WT1: variants seen among roughly 807,000 people sequenced by gnomAD.
WT1 encodes the protein Wilms tumor protein.
In WT1, 8 loss-of-function variants were observed where a neutral mutation model predicts 60.8. The observed-to-expected ratio is 0.13, with a 90% confidence interval of 0.08 to 0.24. The LOEUF is 0.24. Among genes scored for constraint, WT1 ranks in the 10% least tolerant of loss-of-function variants. The pLI is 1.00. For synonymous variants in WT1, 312 were observed against 297.1 expected (o/e 1.05, Z -0.52); for missense variants, 568 against 711.8 (o/e 0.80, Z 2.30).
chr11:32,426,109 A>T (rs1162896971), intron 3 of WT1, among the ~76,000 whole-genome samples: 1 of 152,078 alleles, frequency 6.6e-6, no homozygotes, highest in Non-Finnish European at 1.5e-5. Flanking sequence ...GAGGGAAGTA[A>T]CGGATGTGTG....
chr11:32,430,689 A>G (rs1029869635), intron 1 of WT1: 2 of 1,424,582 alleles, frequency 1.4e-6, no homozygotes, highest in African/African-American at 1.4e-5. Context: ...CTCGGGCCCA[A>G]GGATGCCCGT....
intron 3 of WT1, among the ~76,000 whole-genome samples, chr11:32,421,476 T>C (rs1184938888): frequency 6.6e-6 from 1 of 152,258 alleles, no homozygotes; most frequent in African/African-American, 2.4e-5. Context: ...GTGTCCTTTA[T>C]ATTTTTTAAG....
At chr11:32,424,361 C>G (rs1238733092) in intron 3 of WT1, among the ~76,000 whole-genome samples, 2 of 152,096 alleles carry the variant, frequency 1.3e-5, no homozygotes, top group African/African-American at 2.4e-5. Flanking sequence ...TGAACTTAAA[C>G]TAGAAATTAT....
At chr11:32,391,895 A>G in intron 9 of WT1, 77 bp downstream of exon 9, 3 of 1,465,916 alleles carry the variant, frequency 2.0e-6, no homozygotes, top group East Asian at 2.3e-5. Flanking sequence ...GTCTTTTCCA[A>G]TCCCTCTCAT....
rs1019789044 is a variant in WT1 at position 32,406,466 on chromosome 11, G to A, written c.1017-6422C>T. Among the ~76,000 whole-genome samples, 17 of 152,122 alleles carry A rather than the reference G, an allele frequency of 1.1e-4. No homozygotes were observed. In the East Asian group the frequency reaches 1.5e-3, roughly 14 times the overall value. On this transcript the variant is annotated intron_variant, in intron 5 of 9. Transcript: ENST00000452863. The stretch of plus-strand genomic sequence containing the variant: ...ATCAAGCTTTGCTACCTCGCCTGCC[G>A]CTCACCTCCTGCTGCAAGGACCAAT...
Position 32,392,627 on chromosome 11 carries a change from G to T in WT1, c.1354+39C>A, listed in dbSNP as rs746853702. On this transcript the variant is annotated intron_variant, in intron 8 of 9. Coordinates refer to ENST00000452863, the MANE Select transcript of WT1 (RefSeq NM_024426.6). ...ATCATGAAATCAACCCTAGCCCAAG[G>T]GAACACAGCTGCCAGCAATGAGAAG... The T allele has an allele frequency of 3.8e-6, 6 of 1,585,748 alleles. No homozygotes were observed. In the Admixed American group the frequency reaches 8.3e-5, roughly 22 times the overall value.
intron 3 of WT1, among the ~76,000 whole-genome samples, chr11:32,422,129 C>T (rs1470457867): frequency 1.3e-5 from 2 of 152,232 alleles, no homozygotes; most frequent in Non-Finnish European, 2.9e-5. Flanking sequence ...TTTTCCTGTG[C>T]TCCTCCCTTT....
At position 32,388,713 on chromosome 11, in the gene WT1, C is replaced by G. The variant is rs5030318; in HGVS notation, c.*345G>C. 7 of 388,194 alleles carry G rather than the reference C, an allele frequency of 1.8e-5. No homozygotes were observed. The highest frequency in any genetic ancestry group is 1.6e-4 in the East Asian group (4 of 24,404). The allele number at this position is 388,194 out of a possible 1,614,324, so 24.0% of individuals were successfully genotyped here. A position where few individuals can be genotyped will look rare whatever the true frequency, so the allele number is the denominator to read the frequency against. On this transcript the variant is annotated 3_prime_UTR_variant, in exon 10 of 10. Transcript: ENST00000452863. Reference sequence around the variant, plus strand: ...AATGGTACAATAATTCCATCCCCAGCGAAAACGAGCATAAAAAAAGAAGGG... The same window carrying G: ...AATGGTACAATAATTCCATCCCCAGGGAAAACGAGCATAAAAAAAGAAGGG...
chr11:32,389,045 C>T lies in WT1; in HGVS notation c.*13G>A, dbSNP rs763645824. The T allele has an allele frequency of 1.1e-5, 18 of 1,614,012 alleles. No individual in the cohort carries two copies. The highest frequency in any genetic ancestry group is 5.5e-5 in the South Asian group (5 of 91,078). On this transcript the variant is annotated 3_prime_UTR_variant, in exon 10 of 10. Transcript: ENST00000452863. Reference sequence around the variant, plus strand: ...GCTGCCTGGGACACTGAACGGTCCCCGAGGGAGACCCCTCAAAGCGCCAGC... The same window carrying T: ...GCTGCCTGGGACACTGAACGGTCCCTGAGGGAGACCCCTCAAAGCGCCAGC...
chr11:32,391,481 A>G (rs943455360), intron 9 of WT1, among the ~76,000 whole-genome samples: 1 of 152,226 alleles, frequency 6.6e-6, no homozygotes, highest in African/African-American at 2.4e-5. Flanking sequence ...TATGAAGGAA[A>G]TAATATCCAC....
chr11:32,426,089 C>T (rs897340971), intron 3 of WT1, among the ~76,000 whole-genome samples: 2 of 152,150 alleles, frequency 1.3e-5, no homozygotes, highest in African/African-American at 4.8e-5. Context: ...GGGTGAGTCT[C>T]GGCTTGGGAG....
Position 32,430,477 on chromosome 11 carries a change from A to AGAGAGAGAGAGAGAGAGAGAGAGG in WT1, c.662-1859_662-1858insCCTCTCTCTCTCTCTCTCTCTCTC, listed in dbSNP as rs1564997667. ...GAGGGAGAGAGAGAGAGAGAGAGAG[A>AGAGAGAGAGAGAGAGAGAGAGAGG]GAGAGAGAGAGAGACGAAATAGAAG... On this transcript the variant is annotated intron_variant, in intron 1 of 9. Coordinates refer to ENST00000452863, the MANE Select transcript of WT1 (RefSeq NM_024426.6). 12 of 1,580,612 alleles carry AGAGAGAGAGAGAGAGAGAGAGAGG rather than the reference A, an allele frequency of 7.6e-6. No individual in the cohort carries two copies. The East Asian group carries it at 2.5e-4, about 34-fold the overall frequency.
intron 3 of WT1, among the ~76,000 whole-genome samples, chr11:32,421,414 C>T (rs749922375): frequency 1.3e-5 from 2 of 152,204 alleles, no homozygotes; most frequent in Admixed American, 6.5e-5. Context: ...TCTGCCTGTT[C>T]GGAAGTGAAC....
intron 5 of WT1, among the ~76,000 whole-genome samples, chr11:32,408,841 A>G (rs1245682145): frequency 1.3e-5 from 2 of 152,168 alleles, no homozygotes; most frequent in Non-Finnish European, 2.9e-5. Context: ...CAACAAAACA[A>G]TAAACCTCCG....
chr11:32,434,607 C>G, intron 1 of WT1, 93 bp downstream of exon 1: 1 of 1,589,252 alleles, frequency 6.3e-7, no homozygotes, highest in Non-Finnish European at 8.6e-7. Context: ...GTAAGAGCTG[C>G]GGTCAAAAGG....
intron 5 of WT1, among the ~76,000 whole-genome samples, chr11:32,407,086 G>A (rs1442964702): frequency 1.3e-5 from 2 of 152,072 alleles, no homozygotes; most frequent in Non-Finnish European, 2.9e-5. Context: ...GCGACAGAGC[G>A]AGACTCTGTC....
chr11:32,427,819 G>T, intron 3 of WT1, 137 bp downstream of exon 3: 1 of 644,710 alleles, frequency 1.6e-6, no homozygotes, highest in East Asian at 2.8e-5. Context: ...GTAGAGTGGA[G>T]TCGAGGCGTC....
Position 32,435,422 on chromosome 11 carries a change from TG to T in WT1, c.-63del. 2 of 21,940 alleles carry T rather than the reference TG, an allele frequency of 9.1e-5. No homozygotes were observed. The highest frequency in any genetic ancestry group is 1.4e-4 in the Non-Finnish European group (2 of 14,570). The allele number at this position is 21,940 out of a possible 1,614,324, so 1.4% of individuals were successfully genotyped here. On this transcript the variant is annotated 5_prime_UTR_variant, in exon 1 of 10. Transcript: ENST00000452863. The stretch of plus-strand genomic sequence containing the variant: ...GGCTGCCGTCCCGGCTCTGGGTGGG[TG>T]GGTGGGTGAATGAGTAGGTGGGAGG...
intron 9 of WT1, among the ~76,000 whole-genome samples, chr11:32,391,141 T>C (rs183113732): frequency 6.6e-6 from 1 of 152,152 alleles, no homozygotes; most frequent in East Asian, 1.9e-4. Context: ...CACACCACCA[T>C]GCCCAGCTAG....
Sources: allele counts gnomAD v4.1 joint callset (sites outside exome capture counted in the v4.1 genomes callset), GRCh38; gene constraint gnomAD v4.1.1; transcripts MANE v1.5; gene names NCBI Gene and HGNC (gene_info 2026-07-23, HGNC 2026-07-21).